Variants in SHISA6 observed in about 807,000 individuals in gnomAD.
SHISA6 encodes protein shisa-6.
Under a neutral mutation model 47.9 loss-of-function variants are expected in SHISA6, and 22 were observed. The observed-to-expected ratio is 0.46, with a 90% CI of 0.33 to 0.66. The LOEUF is 0.66. Ranked by LOEUF, SHISA6 falls within the 30% of genes least tolerant of loss-of-function variation. The pLI, the probability that SHISA6 is intolerant of heterozygous loss-of-function variation, is 0.02. For synonymous variants in SHISA6, 388 were observed against 337.8 expected, an observed-to-expected ratio of 1.15 and a Z score of -1.63; for missense variants, 680 against 764.6, an observed-to-expected ratio of 0.89 and a Z score of 1.30.
intron 3 of SHISA6, among the ~76,000 whole-genome samples, chr17:11,419,050 A>T (rs1251335746): frequency 1.3e-5 from 2 of 150,740 alleles, no homozygotes; most frequent in African/African-American, 4.9e-5. Flanking sequence ...AACATCACAC[A>T]CTGGGGACTG....
At chr17:11,490,784 T>C (rs562753162) in intron 3 of SHISA6, among the ~76,000 whole-genome samples, 1 of 152,336 alleles carries the variant, frequency 6.6e-6, no homozygotes, top group East Asian at 1.9e-4. Flanking sequence ...GGAGTCCCTG[T>C]ATGGGGCTAA....
chr17:11,542,964 A>G (rs1039240691), intron 3 of SHISA6, among the ~76,000 whole-genome samples: 2 of 151,996 alleles, frequency 1.3e-5, no homozygotes, highest in African/African-American at 4.8e-5. Context: ...TACTCAATCA[A>G]CCCCTGCCTC....
intron 2 of SHISA6, among the ~76,000 whole-genome samples, chr17:11,358,728 G>A (rs1014437204): frequency 4.5e-4 from 68 of 150,976 alleles, no homozygotes; most frequent in Admixed American, 4.4e-3. Flanking sequence ...CAGTGGCGGC[G>A]GGCATGATTT....
At chr17:11,459,658 C>G (rs1012592) in intron 3 of SHISA6, among the ~76,000 whole-genome samples, 87,523 of 152,084 alleles carry the variant, frequency 0.58, 26,665 homozygotes, top group African/African-American at 0.79. Context: ...CCCTAGCCTG[C>G]GTGACAGTCC....
rs138391109 is a variant in SHISA6 at position 11,344,821 on chromosome 17, A to G, written c.800-34593A>G. Among the ~76,000 whole-genome samples the G allele has an allele frequency of 2.0e-3, 297 of 152,304 alleles. 2 individuals carry two copies. The highest frequency in any genetic ancestry group is 6.8e-3 in the African/African-American group (282 of 41,580). On this transcript the variant is annotated intron_variant, in intron 2 of 5. Coordinates refer to ENST00000441885, the MANE Select transcript of SHISA6 (RefSeq NM_207386.4). ...ATCTCTTCTAGTCATTTGAAAATAT[A>G]TAATAAATTATTGTTAATTATATTC...
At chr17:11,457,904 TAAA>T (rs1368024363) in intron 3 of SHISA6, among the ~76,000 whole-genome samples, 1 of 151,808 alleles carries the variant, frequency 6.6e-6, no homozygotes, top group East Asian at 1.9e-4. Flanking sequence ...GCTAACGTGG[TAAA>T]ACCCCGTATC....
In SHISA6 at chr17:11,561,196, A is replaced by G. The variant is rs2072039929; in HGVS notation, c.*2892A>G. 1 of 152,224 alleles carries G rather than the reference A, an allele frequency of 6.6e-6. No homozygotes were observed. Among genetic ancestry groups the G allele is most frequent in the Non-Finnish European group, 1.5e-5 (1 of 68,050 alleles). 9.4% of individuals were successfully genotyped at this position (152,224 alleles called of 1,614,324 possible). A position where few individuals can be genotyped will look rare whatever the true frequency, so the allele number is the denominator to read the frequency against. ...CAGGCTGGTGGCCTCTACCATACAT[A>G]GAAGTACCATCCACCCTTACAGTAA... On this transcript the variant is annotated 3_prime_UTR_variant, in exon 6 of 6. Transcript: ENST00000441885.
In SHISA6 at chr17:11,523,127, A is replaced by C. The variant is rs188191827; in HGVS notation, c.896-28769A>C. 3.9e-3 allele frequency among the ~76,000 whole-genome samples: 597 copies of C among 152,302 alleles called. 1 individual carries two copies. The highest frequency in any genetic ancestry group is 4.7e-3 in the Non-Finnish European group (317 of 68,030). ...GAGCCTCTAAAAAAATCCCATGGTAAGTTTTTAGGAACCACCAACTAAGCC... is the reference window on the plus strand; with the variant it reads ...GAGCCTCTAAAAAAATCCCATGGTACGTTTTTAGGAACCACCAACTAAGCC... On this transcript the variant is annotated intron_variant, in intron 3 of 5. Transcript: ENST00000441885.
chr17:11,459,219 A>AAC (rs1491176504), intron 3 of SHISA6, among the ~76,000 whole-genome samples: 1 of 67,706 alleles, frequency 1.5e-5, no homozygotes, highest in African/African-American at 7.5e-5. Context: ...ACTCCATCTC[A>AAC]AAAAAAAAAA....
intron 3 of SHISA6, among the ~76,000 whole-genome samples, chr17:11,433,787 T>C (rs910425560): frequency 2.0e-5 from 3 of 152,112 alleles, no homozygotes; most frequent in African/African-American, 7.2e-5. Flanking sequence ...TGAATGACAT[T>C]CACCCATCCT....
chr17:11,466,687 G>A (rs1055175252), intron 3 of SHISA6, among the ~76,000 whole-genome samples: 2 of 152,154 alleles, frequency 1.3e-5, no homozygotes, highest in Non-Finnish European at 2.9e-5. Flanking sequence ...GATTTTGTAG[G>A]CACTTTTTTC....
intron 3 of SHISA6, among the ~76,000 whole-genome samples, chr17:11,505,150 AC>A (rs1409482246): frequency 3.9e-5 from 6 of 152,332 alleles, no homozygotes; most frequent in Non-Finnish European, 8.8e-5. Context: ...AAGTTCCAGT[AC>A]TTTTAGAAAG....
At chr17:11,382,795 A>C (rs58600720) in intron 3 of SHISA6, among the ~76,000 whole-genome samples, 4,331 of 152,222 alleles carry the variant, frequency 0.028, 201 homozygotes, top group African/African-American at 0.097. Context: ...TTGCCCTACT[A>C]ACCCAGATCA....
intron 3 of SHISA6, among the ~76,000 whole-genome samples, chr17:11,453,898 G>A (rs1397698630): frequency 1.3e-5 from 2 of 152,188 alleles, no homozygotes; most frequent in South Asian, 2.1e-4. Flanking sequence ...GGGATTAAGG[G>A]TTAGGACGTA....
chr17:11,391,974 CATAGGA>C (rs1158440245), intron 3 of SHISA6, among the ~76,000 whole-genome samples: 1 of 152,096 alleles, frequency 6.6e-6, no homozygotes, highest in Non-Finnish European at 1.5e-5. Flanking sequence ...CCAATATGAA[CATAGGA>C]CTGAAAAGAA....
chr17:11,480,897 T>C (rs924706804), intron 3 of SHISA6, among the ~76,000 whole-genome samples: 6 of 152,170 alleles, frequency 3.9e-5, no homozygotes, highest in African/African-American at 1.2e-4. Flanking sequence ...AAAAATCAGT[T>C]GAAGGCAGGG....
intron 2 of SHISA6, among the ~76,000 whole-genome samples, chr17:11,270,529 G>A (rs988056015): frequency 2.0e-5 from 3 of 152,120 alleles, no homozygotes; most frequent in Non-Finnish European, 2.9e-5. Flanking sequence ...GTTGGCAAAC[G>A]TTTTCCAGAA....
chr17:11,301,992 G>C lies in SHISA6; in HGVS notation c.799+38466G>C, dbSNP rs1597447573. Among the ~76,000 whole-genome samples the C allele has an allele frequency of 2.0e-5, 3 of 152,148 alleles. No homozygotes were observed. In the South Asian group the frequency reaches 6.2e-4, roughly 32 times the overall value. ...CACTTCTTACATGGCGGCGGCAAGA[G>C]AAAATGAGGAAAAAGCAAAAACGGA... On this transcript the variant is annotated intron_variant, in intron 2 of 5. Transcript: ENST00000441885.
chr17:11,307,989 C>A (rs1020557973), intron 2 of SHISA6, among the ~76,000 whole-genome samples: 2 of 152,084 alleles, frequency 1.3e-5, no homozygotes, highest in Non-Finnish European at 2.9e-5. Context: ...CTTCCGGTGC[C>A]TCCAAATAAT....
Sources: allele counts gnomAD v4.1 joint callset (sites outside exome capture counted in the v4.1 genomes callset), GRCh38; gene constraint gnomAD v4.1.1; transcripts MANE v1.5; gene names NCBI Gene and HGNC (gene_info 2026-07-23, HGNC 2026-07-21).